SMAD9: variants seen among roughly 807,000 people sequenced by gnomAD.
SMAD9 encodes MAD homolog 9.
In SMAD9, 36 loss-of-function variants were observed where a neutral mutation model predicts 46.1. The observed-to-expected ratio is 0.78, with a 90% CI of 0.60 to 1.03. SMAD9 has a LOEUF of 1.03. Ranked by LOEUF, SMAD9 falls within the 50% of genes least tolerant of loss-of-function variation. The pLI is 0.00. For missense variants in SMAD9, 572 were observed against 599.8 expected (o/e 0.95, Z 0.48); for synonymous variants, 245 against 237.1 (o/e 1.03, Z -0.31).
chr13:36,866,491 G>A (rs1366201580), intron 4 of SMAD9, among the ~76,000 whole-genome samples: 3 of 152,072 alleles, frequency 2.0e-5, no homozygotes, highest in African/African-American at 7.2e-5. Context: ...CCCTTTCTCT[G>A]CCTTTCTAGT....
chr13:36,887,401 T>G (rs1236396493), intron 1 of SMAD9, among the ~76,000 whole-genome samples: 1 of 151,592 alleles, frequency 6.6e-6, no homozygotes, highest in Non-Finnish European at 1.5e-5. Flanking sequence ...TTTTGTATTT[T>G]TAGTAGAGAT....
chr13:36,919,375 G>A (rs2058723307), intron 1 of SMAD9, among the ~76,000 whole-genome samples: 1 of 152,062 alleles, frequency 6.6e-6, no homozygotes, highest in African/African-American at 2.4e-5. Flanking sequence ...CTGGCACCGA[G>A]GGGCGGGCCA....
intron 1 of SMAD9, among the ~76,000 whole-genome samples, chr13:36,900,275 ATTTTAT>A (rs1007512966): frequency 4.0e-5 from 6 of 151,524 alleles, no homozygotes; most frequent in African/African-American, 1.2e-4. Flanking sequence ...TCCCTATCTT[ATTTTAT>A]TTTTATTTTT....
At chr13:36,908,210 C>T (rs1413358244) in intron 1 of SMAD9, among the ~76,000 whole-genome samples, 1 of 152,160 alleles carries the variant, frequency 6.6e-6, no homozygotes, top group Non-Finnish European at 1.5e-5. Flanking sequence ...TTAATGAGAT[C>T]TGTTTTCTGT....
At chr13:36,909,786 GAGAA>G (rs1181707773) in intron 1 of SMAD9, among the ~76,000 whole-genome samples, 1 of 152,180 alleles carries the variant, frequency 6.6e-6, no homozygotes, top group Non-Finnish European at 1.5e-5. Flanking sequence ...GGGGATGTGA[GAGAA>G]AGCAGTTTGA....
chr13:36,891,901 A>G (rs776893976), intron 1 of SMAD9, among the ~76,000 whole-genome samples: 1 of 152,192 alleles, frequency 6.6e-6, no homozygotes, highest in Non-Finnish European at 1.5e-5. Flanking sequence ...TGCAGTTTAG[A>G]TTCTTAAGGT....
In SMAD9 at chr13:36,859,971, A is replaced by AT. The variant is rs577030159; in HGVS notation, c.1003+5565_1003+5566insA. Among the ~76,000 whole-genome samples, 298 of 152,168 alleles carry AT rather than the reference A, an allele frequency of 2.0e-3. 2 individuals carry two copies. The highest frequency in any genetic ancestry group is 3.3e-3 in the Non-Finnish European group (222 of 68,006). On this transcript the variant is annotated intron_variant, in intron 5 of 6. Transcript: ENST00000379826. ...GCGAAACTCCATCTCAAAAAAAAAA[A>AT]GAAAAAAGAAAAAAAAGAAATAACC... is the stretch of plus-strand genomic sequence containing the variant.
chr13:36,894,728 T>A (rs1488217152), intron 1 of SMAD9, among the ~76,000 whole-genome samples: 2 of 152,096 alleles, frequency 1.3e-5, no homozygotes, highest in African/African-American at 4.8e-5. Context: ...TTATCATATG[T>A]CACTTATCCT....
At chr13:36,856,453 T>C (rs1316481714) in intron 5 of SMAD9, among the ~76,000 whole-genome samples, 2 of 152,102 alleles carry the variant, frequency 1.3e-5, no homozygotes, top group African/African-American at 4.8e-5. Flanking sequence ...CCTGGGCAGG[T>C]AGGCAGTCGT....
chr13:36,887,968 T>A (rs1008913691), intron 1 of SMAD9, among the ~76,000 whole-genome samples: 3 of 152,100 alleles, frequency 2.0e-5, no homozygotes, highest in African/African-American at 7.2e-5. Flanking sequence ...CAGAGGTGTG[T>A]TCTGCATAGA....
chr13:36,882,308 G>C (rs975987447), intron 1 of SMAD9, among the ~76,000 whole-genome samples: 2 of 151,462 alleles, frequency 1.3e-5, no homozygotes, highest in South Asian at 4.2e-4. Flanking sequence ...AAATTTACTT[G>C]TTAAGTTGGG....
At chr13:36,902,659 T>C (rs976841943) in intron 1 of SMAD9, among the ~76,000 whole-genome samples, 2 of 152,144 alleles carry the variant, frequency 1.3e-5, no homozygotes, top group Admixed American at 6.5e-5. Context: ...GGTTTCACCA[T>C]GTTGGCCAGG....
rs561095638 is a variant in SMAD9 at position 36,917,042 on chromosome 13, G to A, written c.-187+3074C>T. On this transcript the variant is annotated intron_variant, in intron 1 of 6. Transcript: ENST00000379826. ...GGTCAGCCTAACACAAAAGGAAGCC[G>A]ACACCAAAGGAGAGCAGAATACAAG... Among the ~76,000 whole-genome samples the A allele has an allele frequency of 9.9e-5, 15 of 152,212 alleles. No homozygotes were observed. The South Asian group carries it at 3.1e-3, about 32-fold the overall frequency.
At chr13:36,902,320 C>T (rs1013540049) in intron 1 of SMAD9, among the ~76,000 whole-genome samples, 8 of 152,086 alleles carry the variant, frequency 5.3e-5, no homozygotes, top group Admixed American at 2.0e-4. Context: ...CACAGATGTT[C>T]GGGTTTATTT....
chr13:36,910,723 C>T (rs1035387535), intron 1 of SMAD9, among the ~76,000 whole-genome samples: 2 of 152,140 alleles, frequency 1.3e-5, no homozygotes, highest in Non-Finnish European at 2.9e-5. Flanking sequence ...TGGAAACCTT[C>T]CCTGGAGGCC....
intron 1 of SMAD9, among the ~76,000 whole-genome samples, chr13:36,883,621 G>A (rs1005703223): frequency 2.0e-5 from 3 of 152,064 alleles, no homozygotes; most frequent in African/African-American, 4.8e-5. Context: ...CGTGGTGGCG[G>A]GTACATGTAG....
intron 3 of SMAD9, among the ~76,000 whole-genome samples, chr13:36,870,619 TC>T (rs979653423): frequency 4.6e-5 from 7 of 151,948 alleles, no homozygotes; most frequent in Non-Finnish European, 7.4e-5. Flanking sequence ...ACCACAGTAG[TC>T]CCCCCTTCTC....
chr13:36,910,417 A>C (rs1384345024), intron 1 of SMAD9, among the ~76,000 whole-genome samples: 1 of 151,956 alleles, frequency 6.6e-6, no homozygotes, highest in Non-Finnish European at 1.5e-5. Flanking sequence ...ACTTGTCCAA[A>C]CCCACAGAAT....
chr13:36,851,435 C>T (rs896371457), intron 6 of SMAD9, among the ~76,000 whole-genome samples: 1 of 152,200 alleles, frequency 6.6e-6, no homozygotes, highest in Non-Finnish European at 1.5e-5. Context: ...CCACTGCCCC[C>T]GTGCTCCAAT....
Sources: gnomAD v4.1 joint callset for allele counts (sites outside exome capture counted in the v4.1 genomes callset) on GRCh38, gnomAD v4.1.1 for gene constraint, MANE v1.5 for transcripts, NCBI Gene and HGNC (gene_info 2026-07-23, HGNC 2026-07-21) for gene names.